Variants in KAZN observed in about 807,000 individuals in gnomAD.
The protein encoded by KAZN is kazrin, periplakin interacting protein.
KAZN carries 40 observed loss-of-function variants against 87.4 expected under a neutral mutation model. The ratio of observed to expected loss-of-function variants is 0.46; its 90% CI spans 0.36 to 0.60. KAZN has a LOEUF of 0.60. Among genes scored for constraint, KAZN ranks in the 20% least tolerant of loss-of-function variants. KAZN has a pLI of 0.00. For synonymous variants in KAZN, 466 were observed against 458.3 expected (o/e 1.02, Z -0.22); for missense variants, 898 against 1,073.9 (o/e 0.84, Z 2.29).
rs534040061 is a variant in KAZN at position 13,910,245 on chromosome 1, A to G, written c.91+16489A>G. Among the ~76,000 whole-genome samples, 225 of 152,266 alleles carry G rather than the reference A, an allele frequency of 1.5e-3. 1 individual carries two copies. The highest frequency in any genetic ancestry group is 2.6e-3 in the Non-Finnish European group (175 of 68,028). ...TGACACAGGCTGGGTGTGGTGGCTG[A>G]CGCCTGTAATCCCAGCACTTTGGGA... On this transcript the variant is annotated intron_variant, in intron 1 of 16. Coordinates refer to the KAZN transcript ENST00000636203.
intron 2 of KAZN, among the ~76,000 whole-genome samples, chr1:14,426,493 G>A (rs1232663196): frequency 6.6e-6 from 1 of 152,166 alleles, no homozygotes; most frequent in Non-Finnish European, 1.5e-5. Context: ...CATGGAATTG[G>A]TTATTAAGTG....
At chr1:14,337,659 C>T (rs1027388278) in intron 2 of KAZN, among the ~76,000 whole-genome samples, 11 of 152,136 alleles carry the variant, frequency 7.2e-5, no homozygotes, top group East Asian at 1.9e-4. Flanking sequence ...ACTGGAAGGC[C>T]GATGTGGGTG....
chr1:14,531,000 G>A (rs191709583), intron 2 of KAZN, among the ~76,000 whole-genome samples: 17 of 152,284 alleles, frequency 1.1e-4, no homozygotes, highest in Admixed American at 2.0e-4. Context: ...CTGAGCCTGG[G>A]AGGTCTAGGC....
rs186213563 is a variant in KAZN at position 14,069,667 on chromosome 1, C to T, written c.92-110768C>T. ...ATTTTCAGCTTAGCGTACTCATCTT[C>T]TTTTAATCTCTCATTTTGATTTCTG... is the stretch of plus-strand genomic sequence containing the variant. On this transcript the variant is annotated intron_variant, in intron 1 of 16. Transcript: ENST00000636203. 2.5e-3 allele frequency among the ~76,000 whole-genome samples: 381 copies of T among 152,330 alleles called. 2 individuals are homozygous for T. Among genetic ancestry groups the T allele is most frequent in the African/African-American group, 8.7e-3 (360 of 41,572 alleles).
chr1:13,990,118 T>A (rs1639209702), intron 1 of KAZN, among the ~76,000 whole-genome samples: 1 of 152,220 alleles, frequency 6.6e-6, no homozygotes, highest in African/African-American at 2.4e-5. Context: ...TCCCTGGAAG[T>A]TTGGTATAAA....
chr1:14,299,088 C>T (rs544869014), intron 2 of KAZN, among the ~76,000 whole-genome samples: 4 of 152,312 alleles, frequency 2.6e-5, no homozygotes, highest in African/African-American at 9.6e-5. Flanking sequence ...TATTGAGCTA[C>T]TACTGTGTGC....
intron 2 of KAZN, among the ~76,000 whole-genome samples, chr1:14,328,984 G>T (rs1021925762): frequency 6.6e-6 from 1 of 152,104 alleles, no homozygotes; most frequent in African/African-American, 2.4e-5. Context: ...TTCTTTTATG[G>T]ATACAAGAAA....
rs1209662981 is a variant in KAZN at position 15,112,419 on chromosome 1, C to T, written c.2049-8C>T. 2.5e-6 allele frequency: 4 copies of T among 1,570,712 alleles called. No homozygotes were observed. The highest frequency in any genetic ancestry group is 2.7e-5 in the African/African-American group (2 of 74,038). On this transcript the variant is annotated splice_polypyrimidine_tract_variant and splice_region_variant and intron_variant, in intron 13 of 14. Transcript: ENST00000376030. ...TCCCCTGCTGACTCAAAATGGTCCTCTCTTCAGCTCCACAGGCATCCGGGA... is the reference window on the plus strand; with the variant it reads ...TCCCCTGCTGACTCAAAATGGTCCTTTCTTCAGCTCCACAGGCATCCGGGA...
At chr1:14,105,861 C>T (rs546366161) in intron 1 of KAZN, among the ~76,000 whole-genome samples, 1 of 152,248 alleles carries the variant, frequency 6.6e-6, no homozygotes, top group African/African-American at 2.4e-5. Context: ...CTGCATTTCC[C>T]GAAGGGAGCT....
At chr1:14,868,780 G>A (rs1423928621) in intron 1 of KAZN, among the ~76,000 whole-genome samples, 1 of 151,894 alleles carries the variant, frequency 6.6e-6, no homozygotes, top group Non-Finnish European at 1.5e-5. Context: ...GGAACTCAAG[G>A]CTGCAGTGAG....
chr1:14,126,359 C>CT (rs1166263815), intron 1 of KAZN, among the ~76,000 whole-genome samples: 5 of 150,612 alleles, frequency 3.3e-5, no homozygotes, highest in African/African-American at 7.3e-5. Context: ...CCCCTCCCCC[C>CT]CCCCGTCAAG....
At chr1:14,363,967 ATTTTT>A (rs34042579) in intron 2 of KAZN, among the ~76,000 whole-genome samples, 1 of 145,796 alleles carries the variant, frequency 6.9e-6, no homozygotes, top group Non-Finnish European at 1.5e-5. Flanking sequence ...TACTCACAAT[ATTTTT>A]TTTTTTTTTT....
chr1:15,011,015 A>G (rs1669522872), intron 2 of KAZN, among the ~76,000 whole-genome samples: 1 of 152,252 alleles, frequency 6.6e-6, no homozygotes. Context: ...TCATGCTTAA[A>G]TAGGCTCAAC....
At chr1:14,818,451 C>T (rs1181472210) in intron 1 of KAZN, among the ~76,000 whole-genome samples, 1 of 152,226 alleles carries the variant, frequency 6.6e-6, no homozygotes, top group Non-Finnish European at 1.5e-5. Flanking sequence ...GGCGATACCA[C>T]CTCTACTTCT....
intron 2 of KAZN, among the ~76,000 whole-genome samples, chr1:14,456,835 T>G (rs1667591594): frequency 6.6e-6 from 1 of 152,072 alleles, no homozygotes; most frequent in South Asian, 2.1e-4. Context: ...ATCCCAGCAC[T>G]TTGGGAGGCT....
chr1:14,684,429 C>T (rs1437930150), intron 1 of KAZN, among the ~76,000 whole-genome samples: 1 of 152,162 alleles, frequency 6.6e-6, no homozygotes, highest in Non-Finnish European at 1.5e-5. Context: ...CTACATGATG[C>T]AAGGGTTGGT....
chr1:14,392,151 G>T (rs1352736371), intron 2 of KAZN, among the ~76,000 whole-genome samples: 1 of 152,180 alleles, frequency 6.6e-6, no homozygotes, highest in Non-Finnish European at 1.5e-5. Flanking sequence ...CGCAGTTTAA[G>T]CCTCTTTATC....
chr1:13,933,264 G>A (rs747183719), intron 1 of KAZN, among the ~76,000 whole-genome samples: 1 of 151,888 alleles, frequency 6.6e-6, no homozygotes, highest in Non-Finnish European at 1.5e-5. Flanking sequence ...AGGCCGAGGC[G>A]GGTGTATCAC....
rs1203121802 is a variant in KAZN at position 14,735,101 on chromosome 1, C to A, written c.226+135878C>A. On this transcript the variant is annotated intron_variant, in intron 1 of 14. Coordinates refer to ENST00000376030, the MANE Select transcript of KAZN (RefSeq NM_201628.3). This position sits in a 1 kb window ranked among gnomAD's most constrained non-coding sequence, Gnocchi z 4.3. ...TTGAGACGGAGTCTCGCTCTTTCGC[C>A]CAGGCCGGACTGTAGTGGCGCTATC... Among the ~76,000 whole-genome samples the A allele has an allele frequency of 6.6e-6, 1 of 152,152 alleles. No homozygotes were observed. Among genetic ancestry groups the A allele is most frequent in the Non-Finnish European group, 1.5e-5 (1 of 68,040 alleles).
Sources: allele counts gnomAD v4.1 joint callset (sites outside exome capture counted in the v4.1 genomes callset), GRCh38; gene constraint gnomAD v4.1.1; non-coding constraint Gnocchi (gnomAD v3.1); transcripts MANE v1.5; gene names NCBI Gene and HGNC (gene_info 2026-07-23, HGNC 2026-07-21).